The following DDX54 variants were observed in gnomAD, a reference collection of about 807,000 sequenced individuals.
DDX54 encodes ATP-dependent RNA helicase DDX54.
A neutral mutation model predicts 105.5 loss-of-function variants in DDX54; 67 were observed. The observed-to-expected ratio is 0.64, with a 90% CI of 0.52 to 0.78. The LOEUF (loss-of-function observed/expected upper bound fraction) is 0.78. DDX54 is among the 30% of genes least tolerant of loss of function. The pLI, the probability that DDX54 is intolerant of heterozygous loss-of-function variation, is 0.00. For synonymous variants in DDX54, 514 were observed against 509.9 expected, an observed-to-expected ratio of 1.01 and a Z score of -0.11; for missense variants, 1,206 against 1,230.5, an observed-to-expected ratio of 0.98 and a Z score of 0.30.
intron 10 of DDX54, among the ~76,000 whole-genome samples, chr12:113,172,966 G>C (rs1952357560): frequency 2.0e-5 from 3 of 151,874 alleles, no homozygotes; most frequent in African/African-American, 7.3e-5. Context: ...TTATTATGAG[G>C]ATCACATGAG....
chr12:113,174,568 T>C (rs968239103), intron 10 of DDX54, 72 bp downstream of exon 10: 17 of 1,568,530 alleles, frequency 1.1e-5, no homozygotes, highest in Non-Finnish European at 1.5e-5. Flanking sequence ...TGCCCTCTAG[T>C]GACTGCACAG....
chr12:113,162,689 G>C, intron 17 of DDX54: 1 of 474,030 alleles, frequency 2.1e-6, no homozygotes, highest in South Asian at 2.8e-5. Context: ...ATGGAGGTAG[G>C]GGAGGCTCAC....
At chr12:113,184,134 C>T (rs1952497387) in intron 1 of DDX54, among the ~76,000 whole-genome samples, 1 of 152,052 alleles carries the variant, frequency 6.6e-6, no homozygotes, top group South Asian at 2.1e-4. Flanking sequence ...TTAGTAGAGA[C>T]AGGGTTTCAC....
At chr12:113,167,849 G>A (rs1952294378) in intron 12 of DDX54, 3 of 441,778 alleles carry the variant, frequency 6.8e-6, no homozygotes, top group South Asian at 1.6e-5. Flanking sequence ...GAGCCTGTAC[G>A]GGGCTGCGTG....
At chr12:113,162,832 G>T in intron 17 of DDX54, 100 bp downstream of exon 17, 1 of 1,166,626 alleles carries the variant, frequency 8.6e-7, no homozygotes, top group Non-Finnish European at 1.2e-6. Context: ...CGGGCATGGA[G>T]GGAGGGGCGG....
Position 113,179,990 on chromosome 12 carries a change from A to G in DDX54, c.320T>C (p.Val107Ala). Residue 107 changes from valine to alanine, a missense_variant, in exon 3 of 20, where the codon GTG (valine) becomes GCG (alanine). This residue lies in a region of DDX54 where 212 missense variants were observed against 155.4 expected (regional missense o/e 1.36). Coordinates refer to ENST00000306014, the MANE Select transcript of DDX54 (RefSeq NM_024072.4). The part of the protein sequence containing the change: ...GFQSMGLSYP[V>A]FKGIMKKGYK... Reference sequence around the variant, plus strand: ...CCCCTTCTTCATGATGCCTTTGAACACCGGGTAGCTCAGGCCTGGGAGAGA... The same window carrying G: ...CCCCTTCTTCATGATGCCTTTGAACGCCGGGTAGCTCAGGCCTGGGAGAGA... 3.1e-6 allele frequency: 5 copies of G among 1,613,900 alleles called. No homozygotes were observed. The highest frequency in any genetic ancestry group is 4.2e-6 in the Non-Finnish European group (5 of 1,179,962).
chr12:113,166,524 C>T (rs1381045892), intron 12 of DDX54, among the ~76,000 whole-genome samples: 5 of 152,126 alleles, frequency 3.3e-5, no homozygotes, highest in South Asian at 2.1e-4. Flanking sequence ...AATGTAGTGA[C>T]ACTCCATGTC....
At chr12:113,162,735 C>T (rs1952223193) in intron 17 of DDX54, 197 bp downstream of exon 17, 1 of 563,328 alleles carries the variant, frequency 1.8e-6, no homozygotes, top group Non-Finnish European at 3.1e-6. Flanking sequence ...GGGCAGCTCA[C>T]TCTCTCACTC....
intron 13 of DDX54, 25 bp downstream of exon 13, chr12:113,165,777 C>A (rs1593000207): frequency 6.2e-7 from 1 of 1,600,484 alleles, no homozygotes; most frequent in Non-Finnish European, 8.5e-7. Context: ...CCACCTGCCA[C>A]CCCCTGCCTT....
chr12:113,167,237 C>A (rs942040707), intron 12 of DDX54, among the ~76,000 whole-genome samples: 3 of 152,126 alleles, frequency 2.0e-5, no homozygotes, highest in Non-Finnish European at 4.4e-5. Flanking sequence ...ATTATCCAGG[C>A]ATGGTGGCAC....
intron 12 of DDX54, among the ~76,000 whole-genome samples, chr12:113,169,248 A>G (rs926474115): frequency 3.3e-5 from 5 of 152,038 alleles, no homozygotes; most frequent in Non-Finnish European, 5.9e-5. Context: ...GCTTGAGCCC[A>G]GGAGTTGGAA....
chr12:113,167,052 G>A (rs2136317420), intron 12 of DDX54, among the ~76,000 whole-genome samples: 1 of 152,216 alleles, frequency 6.6e-6, no homozygotes, highest in South Asian at 2.1e-4. Context: ...GTTTTCTTTT[G>A]TCGTCATGTT....
chr12:113,165,150 C>T (rs562981920), intron 14 of DDX54, among the ~76,000 whole-genome samples: 1 of 152,358 alleles, frequency 6.6e-6, no homozygotes, highest in Non-Finnish European at 1.5e-5. Flanking sequence ...AAACATGACA[C>T]TCTCTCCAGC....
intron 12 of DDX54, among the ~76,000 whole-genome samples, chr12:113,168,556 T>C (rs147040214): frequency 9.4e-4 from 143 of 152,326 alleles, no homozygotes; most frequent in Middle Eastern, 3.4e-3. Flanking sequence ...TGGAGGCCCA[T>C]AGTTGGAGGC....
At position 113,181,042 on chromosome 12, in the gene DDX54, G is replaced by A; in HGVS notation, c.191C>T (p.Pro64Leu). Reference sequence around the variant, plus strand: ...TTCCGAGGTGGGGAAGGTGGGCAGGGGTCTTCCAGGTCCCAGCTGGGAGGG... The same window carrying A: ...TTCCGAGGTGGGGAAGGTGGGCAGGAGTCTTCCAGGTCCCAGCTGGGAGGG... ...ARARKLGPGR[P>L]LPTFPTSECT... The change falls in exon 2 of 20, where the codon CCC (proline) becomes CTC (leucine). Residue 64 changes from proline (P) to leucine (L), a missense_variant. Physicochemically the swap from Pro to Leu is moderately conservative, Grantham distance 98. Transcript: ENST00000306014. The A allele has an allele frequency of 6.2e-7, 1 of 1,612,320 alleles. No individual in the cohort carries two copies. Among genetic ancestry groups the A allele is most frequent in the East Asian group, 2.2e-5 (1 of 44,818 alleles).
Position 113,157,437 on chromosome 12 carries a change from T to C in DDX54, c.*1440A>G. Reference sequence around the variant, plus strand: ...CTGAGGCTTTCAAAACCCAGAACGGTTTAGGATCTCAGTCACCACCTCTGG... The same window carrying C: ...CTGAGGCTTTCAAAACCCAGAACGGCTTAGGATCTCAGTCACCACCTCTGG... On this transcript the variant is annotated 3_prime_UTR_variant, in exon 20 of 20. Coordinates refer to ENST00000306014, the MANE Select transcript of DDX54 (RefSeq NM_024072.4). 1 of 631,096 alleles carries C rather than the reference T, an allele frequency of 1.6e-6. No individual in the cohort carries two copies. The highest frequency in any genetic ancestry group is 1.9e-5 in the South Asian group (1 of 52,832). The allele number at this position is 631,096 out of a possible 1,614,324, so 39.1% of individuals were successfully genotyped here. A position where few individuals can be genotyped will look rare whatever the true frequency, so the allele number is the denominator to read the frequency against.
intron 12 of DDX54, among the ~76,000 whole-genome samples, chr12:113,166,416 G>A (rs1383442557): frequency 1.3e-5 from 2 of 151,896 alleles, no homozygotes; most frequent in African/African-American, 2.4e-5. Context: ...AAAAAACTTT[G>A]TTGGCCGGGT....
chr12:113,185,047 G>T (rs1217147799), intron 1 of DDX54, among the ~76,000 whole-genome samples: 2 of 152,188 alleles, frequency 1.3e-5, no homozygotes, highest in Non-Finnish European at 2.9e-5. Flanking sequence ...CCGGCAGGAA[G>T]GCCCGCAGGC....
rs1299906773 is a variant in DDX54, at chr12:113,158,868, T to A, written c.*9A>T. The A allele has an allele frequency of 6.3e-7, 1 of 1,588,964 alleles. No homozygotes were observed. Among genetic ancestry groups the A allele is most frequent in the East Asian group, 2.3e-5 (1 of 44,380 alleles). Reference sequence around the variant, plus strand: ...CCAATCAAGGAGCCACGGGGCTGGGTCCTGGTCCTCACATCCTCTTCCGCA... The same window carrying A: ...CCAATCAAGGAGCCACGGGGCTGGGACCTGGTCCTCACATCCTCTTCCGCA... On this transcript the variant is annotated 3_prime_UTR_variant, in exon 20 of 20. Transcript: ENST00000306014. The surrounding 1 kb of genome is among the most constrained non-coding windows in gnomAD (Gnocchi z 4.9).
Sources: allele counts gnomAD v4.1 joint callset (sites outside exome capture counted in the v4.1 genomes callset), GRCh38; gene constraint gnomAD v4.1.1; regional missense constraint gnomAD v4.1.1; non-coding constraint Gnocchi (gnomAD v3.1); transcripts MANE v1.5; gene names NCBI Gene and HGNC (gene_info 2026-07-23, HGNC 2026-07-21).